Variants in SHANK2 observed in about 807,000 individuals in gnomAD.
SHANK2 encodes SH3 and multiple ankyrin repeat domains protein 2.
A neutral mutation model predicts 133.7 loss-of-function variants in SHANK2; 43 were observed. The ratio of observed to expected loss-of-function variants is 0.32; its 90% confidence interval spans 0.25 to 0.41. The LOEUF (loss-of-function observed/expected upper bound fraction) is 0.41. Among genes scored for constraint, SHANK2 ranks in the 10% least tolerant of loss-of-function variants. The probability of loss-of-function intolerance (pLI) is 1.00; values close to 1 mark genes in which losing one functional copy is unlikely to be tolerated. For missense variants in SHANK2, 1,994 were observed against 2,235.8 expected (o/e 0.89, Z 2.18); for synonymous variants, 1,017 against 952.8 (o/e 1.07, Z -1.24).
intron 1 of SHANK2, among the ~76,000 whole-genome samples, chr11:71,250,219 A>T (rs919344312): frequency 6.6e-6 from 1 of 152,130 alleles, no homozygotes; most frequent in Admixed American, 6.5e-5. Flanking sequence ...ACTTGTAAAG[A>T]GTTACCTTTG....
intron 11 of SHANK2, among the ~76,000 whole-genome samples, chr11:70,896,152 T>G (rs1357333305): frequency 2.0e-5 from 3 of 152,216 alleles, no homozygotes; most frequent in Non-Finnish European, 4.4e-5. Context: ...GAGCCAACCC[T>G]TAGCATAAAT....
At chr11:70,640,809 G>A (rs1169283753) in intron 17 of SHANK2, among the ~76,000 whole-genome samples, 1 of 152,242 alleles carries the variant, frequency 6.6e-6, no homozygotes, top group Admixed American at 6.5e-5. Flanking sequence ...GTAAAACGGA[G>A]AGTCAGGCAA....
At chr11:70,497,987 G>C (rs1278717397) in intron 21 of SHANK2, among the ~76,000 whole-genome samples, 1 of 152,254 alleles carries the variant, frequency 6.6e-6, no homozygotes, top group African/African-American at 2.4e-5. Context: ...TTTGCCTGTT[G>C]ACTCTTCAGA....
chr11:70,624,420 C>T (rs2060875970), intron 17 of SHANK2, among the ~76,000 whole-genome samples: 1 of 151,842 alleles, frequency 6.6e-6, no homozygotes, highest in African/African-American at 2.4e-5. Flanking sequence ...GCACCCCTCA[C>T]AGAGAGAGGA....
At chr11:70,528,925 T>G (rs2059433685) in intron 17 of SHANK2, among the ~76,000 whole-genome samples, 1 of 152,118 alleles carries the variant, frequency 6.6e-6, no homozygotes, top group African/African-American at 2.4e-5. Context: ...TAAAAGGTCC[T>G]GGGGAGGCCC....
At chr11:70,781,615 A>T (rs1380212972) in intron 14 of SHANK2, among the ~76,000 whole-genome samples, 2 of 87,874 alleles carry the variant, frequency 2.3e-5, no homozygotes, top group African/African-American at 8.1e-5. Context: ...TTTAAGCTCT[A>T]GGGTACATGT....
At chr11:71,127,846 G>A (rs1952219858) in intron 3 of SHANK2, among the ~76,000 whole-genome samples, 3 of 152,158 alleles carry the variant, frequency 2.0e-5, no homozygotes, top group Admixed American at 2.0e-4. Flanking sequence ...TGAGAATACT[G>A]AAGAAGATGT....
intron 17 of SHANK2, among the ~76,000 whole-genome samples, chr11:70,617,828 G>C (rs369841983): frequency 4.6e-5 from 7 of 152,272 alleles, no homozygotes; most frequent in African/African-American, 1.4e-4. Flanking sequence ...TCACACACCG[G>C]GGCCTGTTGT....
chr11:70,661,830 T>C, intron 15 of SHANK2, 152 bp from the exon 16 acceptor site: 7 of 1,607,554 alleles, frequency 4.4e-6, no homozygotes, highest in Non-Finnish European at 5.1e-6. Flanking sequence ...GCAGCGAGGG[T>C]GCAGGAGGAG....
intron 2 of SHANK2, among the ~76,000 whole-genome samples, chr11:71,204,295 C>T (rs192955455): frequency 5.3e-5 from 8 of 152,348 alleles, no homozygotes; most frequent in Admixed American, 3.3e-4. Context: ...ATGGTAACTG[C>T]GGCACCAGGC....
chr11:70,535,500 G>A lies in SHANK2; in HGVS notation c.2062-32569C>T, dbSNP rs1193876698. ...CATCCATCCATCCATCCATCCGTCC[G>A]TCCGTCCATCTATTCATCCATTCAC... On this transcript the variant is annotated intron_variant, in intron 17 of 25. Coordinates refer to ENST00000601538, the MANE Select transcript of SHANK2 (RefSeq NM_012309.5). This position sits in a 1 kb window ranked among gnomAD's most constrained non-coding sequence, Gnocchi z 4.3. 4.6e-5 allele frequency among the ~76,000 whole-genome samples: 7 copies of A among 152,026 alleles called. No individual in the cohort carries two copies. The highest frequency in any genetic ancestry group is 7.3e-5 in the African/African-American group (3 of 41,364).
chr11:70,850,085 G>A (rs1555065015), intron 11 of SHANK2, among the ~76,000 whole-genome samples: 1 of 152,072 alleles, frequency 6.6e-6, no homozygotes, highest in Non-Finnish European at 1.5e-5. Context: ...CATATGAGTA[G>A]ACCAGTACAG....
chr11:71,218,490 C>T (rs373492144), intron 2 of SHANK2, among the ~76,000 whole-genome samples: 6 of 151,942 alleles, frequency 3.9e-5, no homozygotes, highest in Admixed American at 2.0e-4. Flanking sequence ...CTCAAACTCC[C>T]GACATCAGGT....
Position 71,094,640 on chromosome 11 carries a change from A to G in SHANK2, c.641T>C (p.Ile214Thr). The change falls in exon 7 of 26, where the codon ATC becomes ACC. Residue 214 changes from isoleucine to threonine, a missense_variant. Ile to Thr is a moderately conservative substitution (Grantham distance 89). Coordinates refer to ENST00000601538, the MANE Select transcript of SHANK2 (RefSeq NM_012309.5). ...AGCTCCACCATTTTTGAGAGCTTTG[A>G]TGACCTCCACAGAGTCGTCCAGCTG... ...AAQLDDSVEV[I>T]KALKNGGAHL... 6.4e-7 allele frequency: 1 copy of G among 1,551,754 alleles called. No individual in the cohort carries two copies.
intron 17 of SHANK2, among the ~76,000 whole-genome samples, chr11:70,586,630 A>C (rs192572315): frequency 3.9e-4 from 59 of 152,342 alleles, no homozygotes; most frequent in African/African-American, 1.4e-3. Flanking sequence ...AGCCTCTGGC[A>C]CCGTTGCTGT....
intron 4 of SHANK2, among the ~76,000 whole-genome samples, 188 bp from the exon 5 acceptor site, chr11:71,113,552 A>G (rs1258983150): frequency 6.6e-6 from 1 of 152,214 alleles, no homozygotes; most frequent in Non-Finnish European, 1.5e-5. Context: ...CACTTTTGTC[A>G]AGATTCTGTA....
At chr11:71,144,102 A>G (rs1952602381) in intron 3 of SHANK2, among the ~76,000 whole-genome samples, 1 of 152,196 alleles carries the variant, frequency 6.6e-6, no homozygotes, top group South Asian at 2.1e-4. Flanking sequence ...AGAGAGACAG[A>G]GTGGCTCCGG....
At chr11:71,206,497 C>T (rs1182047157) in intron 2 of SHANK2, among the ~76,000 whole-genome samples, 3 of 152,164 alleles carry the variant, frequency 2.0e-5, no homozygotes, top group Non-Finnish European at 4.4e-5. Flanking sequence ...CGCCGCACCC[C>T]CGCCAGCCTA....
chr11:70,550,650 C>A (rs142572924), intron 17 of SHANK2, among the ~76,000 whole-genome samples: 1 of 152,170 alleles, frequency 6.6e-6, no homozygotes, highest in African/African-American at 2.4e-5. Flanking sequence ...AAGAACTGAG[C>A]GATGTTGTTA....
Sources: allele counts gnomAD v4.1 joint callset (sites outside exome capture counted in the v4.1 genomes callset), GRCh38; gene constraint gnomAD v4.1.1; non-coding constraint Gnocchi (gnomAD v3.1); transcripts MANE v1.5; gene names NCBI Gene and HGNC (gene_info 2026-07-23, HGNC 2026-07-21).